Variants in COL4A3 observed in about 807,000 individuals in gnomAD.
The protein encoded by COL4A3 is collagen type IV alpha 3 chain.
COL4A3 carries 135 observed loss-of-function variants against 217.4 expected under a neutral mutation model. That is an observed-to-expected ratio of 0.62 (90% CI 0.54 to 0.72). The LOEUF is 0.72. Among genes scored for constraint, COL4A3 ranks in the 30% least tolerant of loss-of-function variants. The pLI is 0.00. For synonymous variants in COL4A3, 690 were observed against 736.3 expected, an observed-to-expected ratio of 0.94 and a Z score of 1.02; for missense variants, 1,868 against 2,119.9, an observed-to-expected ratio of 0.88 and a Z score of 2.33.
intron 1 of COL4A3, among the ~76,000 whole-genome samples, chr2:227,226,457 T>C (rs1393337049): frequency 6.7e-6 from 1 of 148,830 alleles, no homozygotes; most frequent in Admixed American, 6.9e-5. Flanking sequence ...TTTAAGTTTC[T>C]ATTCTAATGT....
chr2:227,272,926 C>A, intron 25 of COL4A3, 23 bp from the exon 26 acceptor site: 2 of 1,613,360 alleles, frequency 1.2e-6, no homozygotes, highest in South Asian at 1.1e-5. Context: ...AAGCACGATT[C>A]AAACACATTC....
At chr2:227,168,938 G>A (rs1339994954) in intron 1 of COL4A3, among the ~76,000 whole-genome samples, 1 of 150,642 alleles carries the variant, frequency 6.6e-6, no homozygotes, top group East Asian at 1.9e-4. Flanking sequence ...TGTGCACAAT[G>A]TGCAGGTTAG....
At chr2:227,232,921 T>A (rs946640167) in intron 1 of COL4A3, among the ~76,000 whole-genome samples, 1 of 152,230 alleles carries the variant, frequency 6.6e-6, no homozygotes, top group Admixed American at 6.5e-5. Flanking sequence ...GAGCTAGCAC[T>A]TAAAGAGTTA....
intron 41 of COL4A3, 146 bp downstream of exon 41, chr2:227,295,462 A>G (rs879877622): frequency 1.3e-6 from 1 of 746,754 alleles, no homozygotes; most frequent in Non-Finnish European, 2.3e-6. Context: ...TTGGTCTTCA[A>G]TTTAAAATGT....
chr2:227,247,633 T>A (rs766655750), intron 8 of COL4A3, 49 bp downstream of exon 8: 1 of 1,566,594 alleles, frequency 6.4e-7, no homozygotes, highest in Non-Finnish European at 8.8e-7. Context: ...ACTGTACATA[T>A]GAAAAGGACG....
At chr2:227,171,851 G>A (rs1289815191) in intron 1 of COL4A3, among the ~76,000 whole-genome samples, 2 of 152,174 alleles carry the variant, frequency 1.3e-5, no homozygotes, top group African/African-American at 2.4e-5. Flanking sequence ...GGGCCAAGCG[G>A]GCAACTTGAA....
rs768701718 is a variant in COL4A3, at chr2:227,248,479, G to C, written c.505G>C (p.Ala169Pro). 1 of 1,613,290 alleles carries C rather than the reference G, an allele frequency of 6.2e-7. No homozygotes were observed. The highest frequency in any genetic ancestry group is 8.5e-7 in the Non-Finnish European group (1 of 1,179,356). The change falls in exon 9 of 52, where the codon GCA becomes CCA. Residue 169 changes from alanine (A) to proline (P), a missense_variant. Transcript: ENST00000396578. ...TAAAGAAGAAGATATAGAACTTGATGCAAAAGGCGACCCCGGGTTGCCAGG... is the reference window on the plus strand; with the variant it reads ...TAAAGAAGAAGATATAGAACTTGATCCAAAAGGCGACCCCGGGTTGCCAGG... Reference protein sequence around the residue: ...PAKEEDIELDAKGDPGLPGAP... With the variant: ...PAKEEDIELDPKGDPGLPGAP...
intron 1 of COL4A3, among the ~76,000 whole-genome samples, chr2:227,229,573 A>G (rs2068277380): frequency 6.6e-6 from 1 of 152,198 alleles, no homozygotes; most frequent in Non-Finnish European, 1.5e-5. Context: ...GGATCAAACA[A>G]TAGTTGTGGA....
intron 34 of COL4A3, among the ~76,000 whole-genome samples, chr2:227,285,246 T>G (rs758765348): frequency 1.6e-5 from 2 of 122,136 alleles, no homozygotes; most frequent in African/African-American, 6.2e-5. Flanking sequence ...CACATGAGGA[T>G]GTAACAAACC....
At chr2:227,269,050 C>A (rs1268516319) in intron 23 of COL4A3, among the ~76,000 whole-genome samples, 2 of 151,926 alleles carry the variant, frequency 1.3e-5, no homozygotes, top group Non-Finnish European at 2.9e-5. Flanking sequence ...CAAGATCTTG[C>A]AAAAAATAGA....
At chr2:227,242,046 C>T (rs945895892) in intron 3 of COL4A3, among the ~76,000 whole-genome samples, 1 of 152,120 alleles carries the variant, frequency 6.6e-6, no homozygotes, top group Non-Finnish European at 1.5e-5. Flanking sequence ...AACTGGGTAC[C>T]CCTCAATTCA....
chr2:227,241,177 T>A (rs2068998257), intron 3 of COL4A3, among the ~76,000 whole-genome samples: 1 of 152,212 alleles, frequency 6.6e-6, no homozygotes. Context: ...GAGGATTTAC[T>A]AAATAACTGA....
At chr2:227,232,155 G>T (rs11900182) in intron 1 of COL4A3, among the ~76,000 whole-genome samples, 1 of 152,028 alleles carries the variant, frequency 6.6e-6, no homozygotes, top group East Asian at 1.9e-4. Context: ...CTTTTTTGTG[G>T]CTGCATAGTA....
At position 227,297,682 on chromosome 2, in the gene COL4A3, G is replaced by A; in HGVS notation, c.3574G>A (p.Gly1192Arg). ...RGNPGAQGAK[G>R]DRGAPGFPGL... ...AGCCTTCTTCTTTGCAGGAGCCAAA[G>A]GAGACAGGGGAGCCCCAGGTTTTCC... The change falls in exon 42 of 52, where the codon GGA becomes AGA. Residue 1192 changes from glycine (G) to arginine (R), a missense_variant. By Grantham distance (125) the Gly-to-Arg change is moderately radical. This residue lies in a region of COL4A3 where 1,503 missense variants were observed against 1,786.1 expected (regional missense o/e 0.84). Transcript: ENST00000396578. 6.2e-7 allele frequency: 1 copy of A among 1,607,888 alleles called. No individual in the cohort carries two copies. Among genetic ancestry groups the A allele is most frequent in the South Asian group, 1.1e-5 (1 of 89,186 alleles).
At chr2:227,303,201 G>A in intron 44 of COL4A3, 91 bp downstream of exon 44, 1 of 1,091,098 alleles carries the variant, frequency 9.2e-7, no homozygotes, top group Non-Finnish European at 1.4e-6. Flanking sequence ...AGTACAGACA[G>A]CTGGGGTTAG....
At chr2:227,285,242 A>G (rs1036649625) in intron 34 of COL4A3, among the ~76,000 whole-genome samples, 2 of 141,520 alleles carry the variant, frequency 1.4e-5, no homozygotes, top group African/African-American at 5.1e-5. Flanking sequence ...ATGGCACATG[A>G]GGATGTAACA....
At chr2:227,243,277 C>T (rs1015760047) in intron 3 of COL4A3, among the ~76,000 whole-genome samples, 2 of 152,110 alleles carry the variant, frequency 1.3e-5, no homozygotes, top group African/African-American at 2.4e-5. Flanking sequence ...GTAAGGCTTA[C>T]AGATATGTAT....
At chr2:227,237,902 T>C in intron 1 of COL4A3, 66 bp from the exon 2 acceptor site, 1 of 1,215,496 alleles carries the variant, frequency 8.2e-7, no homozygotes, top group East Asian at 2.3e-5. Context: ...CATTTGCTTT[T>C]ACCCTGCCGG....
intron 1 of COL4A3, among the ~76,000 whole-genome samples, chr2:227,195,667 A>ATATATG (rs1226857286): frequency 6.4e-4 from 89 of 139,978 alleles, no homozygotes; most frequent in African/African-American, 2.1e-3. Flanking sequence ...ATATATATAT[A>ATATATG]TGTGTGTGTG....
Sources: allele counts gnomAD v4.1 joint callset (sites outside exome capture counted in the v4.1 genomes callset), GRCh38; gene constraint gnomAD v4.1.1; regional missense constraint gnomAD v4.1.1; transcripts MANE v1.5; gene names NCBI Gene and HGNC (gene_info 2026-07-23, HGNC 2026-07-21).